The following SMIM36 variants were observed in gnomAD, a reference collection of about 807,000 sequenced individuals.
SMIM36 encodes small integral membrane protein 36.
upstream of SMIM36, among the ~76,000 whole-genome samples, chr17:55,514,674 T>G (rs1449372621): frequency 2.0e-5 from 3 of 152,248 alleles, no homozygotes; most frequent in Non-Finnish European, 4.4e-5. Flanking sequence ...GGTCTTCAGT[T>G]GTTTACATAT....
the SMIM36 span, among the ~76,000 whole-genome samples, chr17:55,520,251 A>G: frequency 2.6e-5 from 4 of 152,214 alleles, no homozygotes; most frequent in South Asian, 2.1e-4. Context: ...GAGCCCACCC[A>G]GAAAATCTAG....
chr17:55,465,223 T>C (rs1164227186), intron 4 of SMIM36, among the ~76,000 whole-genome samples: 1 of 152,188 alleles, frequency 6.6e-6, no homozygotes, highest in African/African-American at 2.4e-5. Flanking sequence ...CAGTAAAGTG[T>C]AATAATATCA....
chr17:55,460,005 T>C (rs1253517534), intron 4 of SMIM36, among the ~76,000 whole-genome samples: 2 of 151,920 alleles, frequency 1.3e-5, no homozygotes, highest in Non-Finnish European at 2.9e-5. Flanking sequence ...AATAAATAAA[T>C]AACATAAAAA....
intron 3 of SMIM36, among the ~76,000 whole-genome samples, chr17:55,474,399 G>T (rs1447786613): frequency 6.6e-6 from 1 of 152,174 alleles, no homozygotes; most frequent in African/African-American, 2.4e-5. Context: ...CCAGTGGAAT[G>T]CATCCTCAGA....
At chr17:55,520,984 C>T in the SMIM36 span, among the ~76,000 whole-genome samples, 16 of 152,128 alleles carry the variant, frequency 1.1e-4, no homozygotes, top group East Asian at 1.4e-3. Context: ...ATTAGCCAGG[C>T]GTGGTGGTGC....
At chr17:55,492,575 T>C (rs1470711600) in intron 1 of SMIM36, among the ~76,000 whole-genome samples, 1 of 150,798 alleles carries the variant, frequency 6.6e-6, no homozygotes, top group African/African-American at 2.5e-5. Flanking sequence ...GATATTTCAA[T>C]CACTGTAGCT....
upstream of SMIM36, among the ~76,000 whole-genome samples, chr17:55,512,724 G>A (rs1358165015): frequency 6.6e-6 from 1 of 152,204 alleles, no homozygotes; most frequent in Non-Finnish European, 1.5e-5. Context: ...ACTTTGCACT[G>A]GGACCCACAA....
intron 1 of SMIM36, among the ~76,000 whole-genome samples, chr17:55,480,241 TA>T (rs112973181): frequency 0.26 from 33,900 of 128,622 alleles, 4,141 homozygotes; most frequent in Non-Finnish European, 0.31. Context: ...TGGAGCGTTC[TA>T]AAAAAAAAAA....
chr17:55,524,965 T>A, the SMIM36 span, among the ~76,000 whole-genome samples: 1 of 152,206 alleles, frequency 6.6e-6, no homozygotes, highest in Admixed American at 6.5e-5. Flanking sequence ...AGCAACTCTA[T>A]GGAAGTTTAT....
At chr17:55,454,019 G>C (rs1458082847) in intron 4 of SMIM36, 1 of 152,176 alleles carries the variant, frequency 6.6e-6, no homozygotes, top group Non-Finnish European at 1.5e-5. Context: ...GGGCAAGTTA[G>C]AGCCAAGCCC....
At chr17:55,480,895 T>C (rs17819188) in intron 1 of SMIM36, among the ~76,000 whole-genome samples, 34,962 of 152,160 alleles carry the variant, frequency 0.23, 4,451 homozygotes, top group Non-Finnish European at 0.28. Flanking sequence ...CTTAGATTTT[T>C]CTATGTTTCT....
At chr17:55,468,723 G>A (rs1474056238) in intron 3 of SMIM36, among the ~76,000 whole-genome samples, 3 of 152,060 alleles carry the variant, frequency 2.0e-5, no homozygotes, top group Non-Finnish European at 4.4e-5. Context: ...CTTACTATGG[G>A]CAAACTTCCG....
chr17:55,489,508 A>G (rs1909665350), intron 1 of SMIM36, among the ~76,000 whole-genome samples: 1 of 152,248 alleles, frequency 6.6e-6, no homozygotes, highest in African/African-American at 2.4e-5. Flanking sequence ...ATTTGTCTGA[A>G]TGTTTTCTAT....
upstream of SMIM36, among the ~76,000 whole-genome samples, chr17:55,512,576 T>C (rs1910199537): frequency 6.6e-6 from 1 of 152,256 alleles, no homozygotes; most frequent in Admixed American, 6.5e-5. Context: ...GCCTCAGTTG[T>C]AGCCTGGTCC....
chr17:55,464,811 T>C (rs538937494), intron 4 of SMIM36, among the ~76,000 whole-genome samples: 33 of 152,342 alleles, frequency 2.2e-4, no homozygotes, highest in African/African-American at 7.0e-4. Context: ...TCTTTTCCAC[T>C]CAATCTTTTC....
At chr17:55,468,402 CTA>C (rs1909281044) in intron 3 of SMIM36, 1 of 152,872 alleles carries the variant, frequency 6.5e-6, no homozygotes, top group Admixed American at 6.5e-5. Flanking sequence ...TTTTTCCTCT[CTA>C]GTAGAGACAA....
chr17:55,514,822 C>G (rs1200261959), upstream of SMIM36, among the ~76,000 whole-genome samples: 3 of 152,122 alleles, frequency 2.0e-5, no homozygotes, highest in East Asian at 5.8e-4. Flanking sequence ...TGTATATCAA[C>G]TATTCTGGAT....
chr17:55,514,432 C>T (rs916890881), upstream of SMIM36, among the ~76,000 whole-genome samples: 1 of 152,094 alleles, frequency 6.6e-6, no homozygotes, highest in African/African-American at 2.4e-5. Flanking sequence ...ACTGAAAGCA[C>T]ACTGTATAAC....
intron 1 of SMIM36, 124 bp downstream of exon 1, chr17:55,510,755 C>T (rs547518064): frequency 6.7e-5 from 14 of 209,972 alleles, no homozygotes; most frequent in Non-Finnish European, 9.4e-5. Flanking sequence ...AAAAGTCATT[C>T]TCTCCTGTGA....
Sources: gnomAD v4.1 joint callset for allele counts (sites outside exome capture counted in the v4.1 genomes callset) on GRCh38, gnomAD v4.1.1 for gene constraint, MANE v1.5 for transcripts, NCBI Gene and HGNC (gene_info 2026-07-23, HGNC 2026-07-21) for gene names.